The following STAU1 variants were observed in gnomAD, a reference collection of about 807,000 sequenced individuals.
The protein encoded by STAU1 is staufen double-stranded RNA binding protein 1.
Under a neutral mutation model 62.9 loss-of-function variants are expected in STAU1, and 13 were observed. That is an observed-to-expected ratio of 0.21 (90% CI 0.13 to 0.33). The LOEUF is 0.33. Among genes scored for constraint, STAU1 ranks in the 10% least tolerant of loss-of-function variants. The pLI, the probability that STAU1 is intolerant of heterozygous loss-of-function variation, is 1.00. For missense variants in STAU1, 571 were observed against 712.1 expected (o/e 0.80, Z 2.25); for synonymous variants, 269 against 265.1 (o/e 1.01, Z -0.14).
chr20:49,214,005 G>T, the STAU1 span, among the ~76,000 whole-genome samples: 2 of 151,898 alleles, frequency 1.3e-5, no homozygotes, highest in Non-Finnish European at 2.9e-5. Flanking sequence ...TGGGTCAGGA[G>T]TTCAAGACCA....
chr20:49,158,467 C>G (rs2093398020), intron 3 of STAU1: 1 of 1,304,500 alleles, frequency 7.7e-7, no homozygotes, highest in South Asian at 1.2e-5. Context: ...GTAGGTCTTA[C>G]TTTTAGGATT....
At chr20:49,207,744 AC>A in the STAU1 span, among the ~76,000 whole-genome samples, 15 of 151,802 alleles carry the variant, frequency 9.9e-5, no homozygotes, top group African/African-American at 3.4e-4. Flanking sequence ...CTGGTCTCAA[AC>A]GGCTGACCTC....
the STAU1 span, among the ~76,000 whole-genome samples, chr20:49,216,007 C>CAAAAAA: frequency 2.6e-3 from 96 of 36,358 alleles, no homozygotes; most frequent in East Asian, 4.0e-3. Flanking sequence ...GACTATGTCT[C>CAAAAAA]AAAAAAAAAA....
chr20:49,137,296 C>T (rs1287408771), intron 5 of STAU1, among the ~76,000 whole-genome samples: 1 of 152,176 alleles, frequency 6.6e-6, no homozygotes, highest in Non-Finnish European at 1.5e-5. Flanking sequence ...GTCTCCTCAA[C>T]AAAGGCAGAG....
rs911588370 is a variant in STAU1 at position 49,117,354 on chromosome 20, C to T, written c.1510-106G>A. ...AAGCAAGATCACCAGCTCTTTTTTC[C>T]AACTCAGCCCCACTGTGGCCATACT... is the stretch of plus-strand genomic sequence containing the variant. On this transcript the variant is annotated intron_variant, in intron 11 of 13. Transcript: ENST00000371856. The surrounding 1 kb of genome is among the most constrained non-coding windows in gnomAD (Gnocchi z 4.6). 1 of 1,413,028 alleles carries T rather than the reference C, an allele frequency of 7.1e-7. No homozygotes were observed. Among genetic ancestry groups the T allele is most frequent in the South Asian group, 1.3e-5 (1 of 76,660 alleles). The allele number at this position is 1,413,028 out of a possible 1,614,324, so 87.5% of individuals were successfully genotyped here.
intron 3 of STAU1, among the ~76,000 whole-genome samples, chr20:49,154,712 A>G (rs937461090): frequency 1.8e-4 from 28 of 152,128 alleles, no homozygotes; most frequent in Non-Finnish European, 2.8e-4. Flanking sequence ...AAAAAATACA[A>G]AAAATTAGCC....
chr20:49,115,680 A>G, intron 13 of STAU1, 102 bp downstream of exon 13: 1 of 1,025,444 alleles, frequency 9.8e-7, no homozygotes. Flanking sequence ...AAAGTAACTC[A>G]GGCAAATATT....
chr20:49,212,479 G>A, the STAU1 span, among the ~76,000 whole-genome samples: 10 of 151,880 alleles, frequency 6.6e-5, no homozygotes, highest in Non-Finnish European at 1.2e-4. Context: ...CACCACACAT[G>A]GTTACCATCT....
At position 49,158,118 on chromosome 20, in the gene STAU1, C is replaced by T. The variant is rs572321821; in HGVS notation, c.206-4047G>A. On this transcript the variant is annotated intron_variant, in intron 3 of 13. Coordinates refer to ENST00000371856, the MANE Select transcript of STAU1 (RefSeq NM_017453.4). ...CCAACATGGTGAGACCCTGCCTCTA[C>T]TAAAAATACAAAAATTAGCCACGTG... 4.0e-5 allele frequency among the ~76,000 whole-genome samples: 6 copies of T among 151,754 alleles called. No individual in the cohort carries two copies. In the South Asian group the frequency reaches 1.2e-3, roughly 32 times the overall value.
intron 4 of STAU1, among the ~76,000 whole-genome samples, chr20:49,153,366 G>A (rs1467379237): frequency 6.8e-6 from 1 of 147,508 alleles, no homozygotes. Flanking sequence ...TTCAAGACCA[G>A]TCTGGGCAAC....
chr20:49,176,644 TAGTATATTATA>T (rs1403248921), intron 1 of STAU1, among the ~76,000 whole-genome samples: 13 of 152,308 alleles, frequency 8.5e-5, no homozygotes, highest in African/African-American at 3.1e-4. Context: ...TTTTCATAGA[TAGTATATTATA>T]CTAACAACTT....
At chr20:49,216,389 A>G in the STAU1 span, among the ~76,000 whole-genome samples, 149 of 151,940 alleles carry the variant, frequency 9.8e-4, 1 homozygote, top group Middle Eastern at 3.4e-3. Flanking sequence ...TTGGCCAGGC[A>G]TGGTGGCGGG....
the STAU1 span, among the ~76,000 whole-genome samples, chr20:49,198,340 C>T: frequency 6.6e-6 from 1 of 151,298 alleles, no homozygotes; most frequent in South Asian, 2.1e-4. Flanking sequence ...CTGGTGAAAC[C>T]CTGTCTCTAC....
At position 49,134,433 on chromosome 20, in the gene STAU1, G is replaced by GAAAAAAAAAAAAAAAAAAA. The variant is rs1568850881; in HGVS notation, c.609+1399_609+1400insTTTTTTTTTTTTTTTTTTT. ...GCGACAAGAGTGAAACTCATCTCAGGGAAAAAAAAAAAAAAAGCTCTGGGT... is the reference window on the plus strand; with the variant it reads ...GCGACAAGAGTGAAACTCATCTCAGGAAAAAAAAAAAAAAAAAAAGAAAAAAAAAAAAAAAGCTCTGGGT... On this transcript the variant is annotated intron_variant, in intron 6 of 13. Coordinates refer to ENST00000371856, the MANE Select transcript of STAU1 (RefSeq NM_017453.4). The GAAAAAAAAAAAAAAAAAAA allele has an allele frequency of 1.5e-5, 4 of 262,764 alleles. No homozygotes were observed. In the East Asian group the frequency reaches 2.1e-4, roughly 13 times the overall value. 16.3% of individuals were successfully genotyped at this position (262,764 alleles called of 1,614,324 possible).
chr20:49,210,534 G>C, the STAU1 span: 2 of 455,700 alleles, frequency 4.4e-6, no homozygotes, highest in Admixed American at 4.7e-5. Flanking sequence ...ACATCACTAG[G>C]TTTTCAAACT....
chr20:49,159,058 G>A (rs2093410746), intron 3 of STAU1: 1 of 1,266,720 alleles, frequency 7.9e-7, no homozygotes, highest in African/African-American at 1.6e-5. Flanking sequence ...TGGCAGGCAG[G>A]AAGGTCAAAT....
intron 3 of STAU1, 113 bp downstream of exon 3, chr20:49,165,880 ACTTT>A: frequency 2.0e-6 from 2 of 1,008,204 alleles, no homozygotes; most frequent in Non-Finnish European, 3.0e-6. Context: ...GGGTGGTGAT[ACTTT>A]CTTTTGCTTT....
chr20:49,131,126 G>A (rs555951702), intron 6 of STAU1, among the ~76,000 whole-genome samples: 9 of 152,202 alleles, frequency 5.9e-5, no homozygotes, highest in African/African-American at 2.2e-4. Context: ...TAATCCATCA[G>A]AAATACCCAA....
At chr20:49,153,906 CAA>C (rs3092191) in intron 4 of STAU1, 25 bp downstream of exon 4, 47,623 of 1,326,992 alleles carry the variant, frequency 0.036, 16 homozygotes, top group African/African-American at 0.065. Context: ...CTGTATTTTA[CAA>C]AAAAAAAAAA....
Sources: gnomAD v4.1 joint callset for allele counts (sites outside exome capture counted in the v4.1 genomes callset) on GRCh38, gnomAD v4.1.1 for gene constraint, Gnocchi (gnomAD v3.1) non-coding constraint, MANE v1.5 for transcripts, NCBI Gene and HGNC (gene_info 2026-07-23, HGNC 2026-07-21) for gene names.